Variants in STK3 observed in about 807,000 individuals in gnomAD.
The protein encoded by STK3 is serine/threonine-protein kinase 3.
In STK3, 41 loss-of-function variants were observed where a neutral mutation model predicts 58.0. That is an observed-to-expected ratio of 0.71 (90% confidence interval 0.55 to 0.92). The LOEUF (loss-of-function observed/expected upper bound fraction) is 0.92, where lower values mean the gene tolerates loss of function less well. Among genes scored for constraint, STK3 ranks in the 40% least tolerant of loss-of-function variants. The pLI, the probability that STK3 is intolerant of heterozygous loss-of-function variation, is 0.00. For missense variants in STK3, 479 were observed against 602.7 expected, an observed-to-expected ratio of 0.79 and a Z score of 2.15; for synonymous variants, 170 against 191.0, an observed-to-expected ratio of 0.89 and a Z score of 0.91.
chr8:98,548,194 T>C, intron 8 of STK3, 33 bp from the exon 9 acceptor site: 1 of 1,411,350 alleles, frequency 7.1e-7, no homozygotes, highest in Non-Finnish European at 9.3e-7. Flanking sequence ...AGGGAAGACT[T>C]TTCTATGACA....
intron 6 of STK3, among the ~76,000 whole-genome samples, chr8:98,698,580 A>G (rs1825215577): frequency 6.6e-6 from 1 of 152,198 alleles, no homozygotes; most frequent in Non-Finnish European, 1.5e-5. Context: ...ATCACTCAGC[A>G]TTTGCTTATC....
intron 6 of STK3, among the ~76,000 whole-genome samples, chr8:98,697,241 T>C (rs1377517043): frequency 6.6e-6 from 1 of 152,232 alleles, no homozygotes; most frequent in African/African-American, 2.4e-5. Context: ...ATTTGATTCT[T>C]CTCTCTTTTC....
intron 9 of STK3, among the ~76,000 whole-genome samples, chr8:98,528,573 G>A (rs542868436): frequency 1.4e-4 from 22 of 152,020 alleles, no homozygotes; most frequent in Admixed American, 1.1e-3. Context: ...TGCAACCTCC[G>A]CCTCCTGAGT....
At chr8:98,736,177 C>T (rs1272365292) in intron 4 of STK3, among the ~76,000 whole-genome samples, 1 of 152,044 alleles carries the variant, frequency 6.6e-6, no homozygotes, top group Non-Finnish European at 1.5e-5. Context: ...GCAATAAACA[C>T]CCAATTAATT....
intron 3 of STK3, among the ~76,000 whole-genome samples, chr8:98,849,030 T>C (rs1483044967): frequency 6.6e-6 from 1 of 151,788 alleles, no homozygotes; most frequent in Non-Finnish European, 1.5e-5. Context: ...TTCGAGACCA[T>C]CCTGGCTAAC....
At chr8:98,751,332 A>G (rs1388583667) in intron 3 of STK3, among the ~76,000 whole-genome samples, 1 of 152,224 alleles carries the variant, frequency 6.6e-6, no homozygotes, top group Non-Finnish European at 1.5e-5. Flanking sequence ...TTTGCAGATG[A>G]CATGATCCTG....
intron 1 of STK3, among the ~76,000 whole-genome samples, chr8:98,787,786 C>T (rs1159347071): frequency 6.6e-6 from 1 of 152,164 alleles, no homozygotes; most frequent in Non-Finnish European, 1.5e-5. Context: ...CTTCAGCCTC[C>T]TCAAACAAAA....
intron 1 of STK3, among the ~76,000 whole-genome samples, chr8:98,819,644 C>T (rs965671025): frequency 3.8e-4 from 58 of 152,262 alleles, no homozygotes; most frequent in African/African-American, 1.4e-3. Flanking sequence ...CACTTGCCTA[C>T]CTCTAGAATT....
At chr8:98,914,461 T>TACACACACAC (rs34753292) in intron 1 of STK3, among the ~76,000 whole-genome samples, 1 of 143,512 alleles carries the variant, frequency 7.0e-6, no homozygotes, top group African/African-American at 2.5e-5. Context: ...AGCACATGCC[T>TACACACACAC]ACACACACAC....
chr8:98,858,326 A>ATAT (rs1836774168), intron 3 of STK3, among the ~76,000 whole-genome samples: 1 of 116,758 alleles, frequency 8.6e-6, no homozygotes, highest in East Asian at 2.7e-4. Context: ...ATATATATAG[A>ATAT]GAGAGAGAGA....
chr8:98,759,700 T>C (rs1830504325), intron 3 of STK3, among the ~76,000 whole-genome samples: 2 of 152,080 alleles, frequency 1.3e-5, no homozygotes, highest in South Asian at 4.2e-4. Context: ...GGTATACCTG[T>C]ATATAAATTT....
intron 10 of STK3, among the ~76,000 whole-genome samples, chr8:98,509,799 T>C (rs986979780): frequency 6.6e-6 from 1 of 152,014 alleles, no homozygotes. Flanking sequence ...CCATATTCTA[T>C]TAAAAATTCT....
At chr8:98,908,874 G>T (rs1036230445) in intron 1 of STK3, among the ~76,000 whole-genome samples, 1 of 147,230 alleles carries the variant, frequency 6.8e-6, no homozygotes, top group Admixed American at 6.8e-5. Context: ...AGAAAAACAA[G>T]GCTGGGAGAG....
intron 8 of STK3, among the ~76,000 whole-genome samples, chr8:98,550,619 T>C (rs1001167758): frequency 7.2e-5 from 11 of 152,256 alleles, no homozygotes; most frequent in Middle Eastern, 3.4e-3. Context: ...ATCTCTTCTT[T>C]TCCATTCCCA....
chr8:98,702,213 T>C (rs1018285006), intron 6 of STK3, among the ~76,000 whole-genome samples: 1 of 152,226 alleles, frequency 6.6e-6, no homozygotes, highest in Non-Finnish European at 1.5e-5. Flanking sequence ...CTTGAACATC[T>C]ATATTCCAAA....
At chr8:98,690,361 A>G (rs922431254) in intron 6 of STK3, among the ~76,000 whole-genome samples, 1 of 151,566 alleles carries the variant, frequency 6.6e-6, no homozygotes, top group Non-Finnish European at 1.5e-5. Flanking sequence ...TATAAAGTCA[A>G]TGTACAAAAA....
chr8:98,868,744 G>C (rs893127179), intron 3 of STK3, among the ~76,000 whole-genome samples: 1 of 152,012 alleles, frequency 6.6e-6, no homozygotes, highest in African/African-American at 2.4e-5. Flanking sequence ...CGACGCCGGC[G>C]GATGGCTTGA....
Position 98,454,997 on chromosome 8 carries a change from G to T in STK3, c.*845C>A, listed in dbSNP as rs1022089019. ...GCTTATTACAGTTTGAATCAGTTCA[G>T]CTATTAGATCTACACATAAAACATG... is the stretch of plus-strand genomic sequence containing the variant. On this transcript the variant is annotated 3_prime_UTR_variant, in exon 11 of 11. Coordinates refer to ENST00000419617, the MANE Select transcript of STK3 (RefSeq NM_006281.4). The T allele has an allele frequency of 2.6e-5, 3 of 116,126 alleles. No individual in the cohort carries two copies. The East Asian group carries it at 7.6e-4, about 29-fold the overall frequency. 7.2% of individuals were successfully genotyped at this position (116,126 alleles called of 1,614,324 possible).
chr8:98,694,835 G>C (rs963012964), intron 6 of STK3, among the ~76,000 whole-genome samples: 2 of 152,162 alleles, frequency 1.3e-5, no homozygotes, highest in Admixed American at 6.6e-5. Flanking sequence ...CTTTATAGTA[G>C]CATGATTTAT....
Sources: gnomAD v4.1 joint callset for allele counts (sites outside exome capture counted in the v4.1 genomes callset) on GRCh38, gnomAD v4.1.1 for gene constraint, MANE v1.5 for transcripts, NCBI Gene and HGNC (gene_info 2026-07-23, HGNC 2026-07-21) for gene names.